Variants in TMEM132D observed in about 807,000 individuals in gnomAD.
TMEM132D encodes transmembrane protein 132D.
A neutral mutation model predicts 62.3 loss-of-function variants in TMEM132D; 21 were observed. That is an observed-to-expected ratio of 0.34 (90% CI 0.24 to 0.49). The LOEUF (loss-of-function observed/expected upper bound fraction) is 0.49, where lower values mean the gene tolerates loss of function less well. TMEM132D is among the 20% of genes least tolerant of loss of function. TMEM132D has a pLI of 0.99. For missense variants in TMEM132D, 1,346 were observed against 1,402.8 expected, an observed-to-expected ratio of 0.96 and a Z score of 0.65; for synonymous variants, 621 against 575.6, an observed-to-expected ratio of 1.08 and a Z score of -1.13.
chr12:129,390,622 G>T (rs767348720), intron 3 of TMEM132D, among the ~76,000 whole-genome samples: 6 of 152,140 alleles, frequency 3.9e-5, no homozygotes, highest in African/African-American at 7.2e-5. Context: ...GAGCCAGAAG[G>T]TCCCCTGGTC....
At chr12:129,390,225 T>C (rs1871255624) in intron 3 of TMEM132D, among the ~76,000 whole-genome samples, 1 of 152,210 alleles carries the variant, frequency 6.6e-6, no homozygotes, top group African/African-American at 2.4e-5. Flanking sequence ...CCTCCGTCTT[T>C]TTTTGTGCCT....
chr12:129,245,219 C>G (rs567819067), intron 4 of TMEM132D, among the ~76,000 whole-genome samples: 1 of 152,290 alleles, frequency 6.6e-6, no homozygotes, highest in South Asian at 2.1e-4. Context: ...TCCAACCCTC[C>G]CTCCCCCAAC....
intron 1 of TMEM132D, among the ~76,000 whole-genome samples, chr12:129,798,993 C>T (rs1871652788): frequency 6.6e-6 from 1 of 152,216 alleles, no homozygotes; most frequent in Non-Finnish European, 1.5e-5. Flanking sequence ...CGGCCGGACG[C>T]AGTGGCTCAC....
intron 4 of TMEM132D, 94 bp downstream of exon 4, chr12:129,337,540 C>T: frequency 6.7e-7 from 1 of 1,484,498 alleles, no homozygotes. Context: ...TTGGCTCCTC[C>T]CCTTTTCCCC....
At chr12:129,677,412 C>G (rs1565945687) in intron 2 of TMEM132D, among the ~76,000 whole-genome samples, 1 of 152,152 alleles carries the variant, frequency 6.6e-6, no homozygotes, top group Non-Finnish European at 1.5e-5. Flanking sequence ...CCAATTAAAC[C>G]TCTTTCTCTT....
At chr12:129,270,281 T>C (rs1005207404) in intron 4 of TMEM132D, among the ~76,000 whole-genome samples, 1 of 152,192 alleles carries the variant, frequency 6.6e-6, no homozygotes, top group Non-Finnish European at 1.5e-5. Flanking sequence ...ATTGAGACCA[T>C]AAGCTCAGCT....
chr12:129,823,040 G>C (rs1872576975), intron 1 of TMEM132D, among the ~76,000 whole-genome samples: 1 of 152,148 alleles, frequency 6.6e-6, no homozygotes, highest in Non-Finnish European at 1.5e-5. Flanking sequence ...TGTCCTCGAG[G>C]TAGTGAGTGA....
intron 5 of TMEM132D, among the ~76,000 whole-genome samples, chr12:129,101,613 T>G (rs1337808746): frequency 6.6e-6 from 1 of 152,220 alleles, no homozygotes. Context: ...TTTCCCGAGG[T>G]TGCTTAGTTA....
chr12:129,578,124 A>G (rs1394841234), intron 2 of TMEM132D, among the ~76,000 whole-genome samples: 5 of 152,034 alleles, frequency 3.3e-5, no homozygotes, highest in Non-Finnish European at 7.4e-5. Flanking sequence ...AGGTCTTCAG[A>G]TTCCAGAACT....
At chr12:129,102,134 C>A (rs1875330196) in intron 5 of TMEM132D, among the ~76,000 whole-genome samples, 1 of 152,156 alleles carries the variant, frequency 6.6e-6, no homozygotes, top group African/African-American at 2.4e-5. Flanking sequence ...CCATTTCCCT[C>A]TGTGCTGTTG....
At chr12:129,140,971 G>T (rs1452201632) in intron 5 of TMEM132D, among the ~76,000 whole-genome samples, 1 of 152,256 alleles carries the variant, frequency 6.6e-6, no homozygotes, top group Admixed American at 6.5e-5. Flanking sequence ...TCAGTTATTG[G>T]ACATTTGAGT....
At chr12:129,720,437 T>A (rs920716244) in intron 1 of TMEM132D, among the ~76,000 whole-genome samples, 3 of 152,056 alleles carry the variant, frequency 2.0e-5, no homozygotes, top group Admixed American at 2.0e-4. Flanking sequence ...CTGGAAAAAA[T>A]GAATATAAGT....
At chr12:129,636,898 A>G (rs2137171537) in intron 2 of TMEM132D, among the ~76,000 whole-genome samples, 1 of 152,286 alleles carries the variant, frequency 6.6e-6, no homozygotes, top group South Asian at 2.1e-4. Flanking sequence ...AATGTGGACC[A>G]GTTACACTGG....
chr12:129,498,617 G>T (rs1467569768), intron 3 of TMEM132D, among the ~76,000 whole-genome samples: 2 of 152,136 alleles, frequency 1.3e-5, no homozygotes, highest in African/African-American at 4.8e-5. Flanking sequence ...ATTCTCTACT[G>T]GTTAACTTGG....
chr12:129,267,051 C>G (rs1880716491), intron 4 of TMEM132D, among the ~76,000 whole-genome samples: 1 of 152,196 alleles, frequency 6.6e-6, no homozygotes, highest in African/African-American at 2.4e-5. Context: ...GCCCCACAAT[C>G]AAGCCCCTTC....
chr12:129,244,401 A>C (rs12826476), intron 4 of TMEM132D, among the ~76,000 whole-genome samples: 3 of 151,098 alleles, frequency 2.0e-5, no homozygotes, highest in Admixed American at 6.6e-5. Flanking sequence ...AAAAAAAAAA[A>C]AAAAAAAACA....
chr12:129,435,709 C>A (rs1192306395), intron 3 of TMEM132D, among the ~76,000 whole-genome samples: 1 of 152,182 alleles, frequency 6.6e-6, no homozygotes, highest in African/African-American at 2.4e-5. Flanking sequence ...TCTTAACCTT[C>A]ATTTTATGGT....
rs540565071 is a variant in TMEM132D, at chr12:129,484,322, C to T, written c.1115+46737G>A. 1.6e-4 allele frequency among the ~76,000 whole-genome samples: 24 copies of T among 152,294 alleles called. No homozygotes were observed. In the South Asian group the frequency reaches 4.8e-3, roughly 30 times the overall value. ...TTGGGCACTTGCTTTGTTGCATCAACTGTCCCTTAACTCTTCACCTGGACC... is the reference window on the plus strand; with the variant it reads ...TTGGGCACTTGCTTTGTTGCATCAATTGTCCCTTAACTCTTCACCTGGACC... On this transcript the variant is annotated intron_variant, in intron 3 of 8. Coordinates refer to ENST00000422113, the MANE Select transcript of TMEM132D (RefSeq NM_133448.3).
intron 4 of TMEM132D, among the ~76,000 whole-genome samples, chr12:129,249,265 C>G (rs1880203956): frequency 6.6e-6 from 1 of 152,170 alleles, no homozygotes; most frequent in African/African-American, 2.4e-5. Flanking sequence ...TTGGCACTTC[C>G]TACAGATACC....
Sources: gnomAD v4.1 joint callset for allele counts (sites outside exome capture counted in the v4.1 genomes callset) on GRCh38, gnomAD v4.1.1 for gene constraint, MANE v1.5 for transcripts, NCBI Gene and HGNC (gene_info 2026-07-23, HGNC 2026-07-21) for gene names.